The following PRRC2B variants were observed in gnomAD, a reference collection of about 807,000 sequenced individuals.
PRRC2B encodes protein PRRC2B.
Under a neutral mutation model 242.3 loss-of-function variants are expected in PRRC2B, and 68 were observed. The ratio of observed to expected loss-of-function variants is 0.28; its 90% CI spans 0.23 to 0.34. The LOEUF is 0.34. Among genes scored for constraint, PRRC2B ranks in the 10% least tolerant of loss-of-function variants. PRRC2B has a pLI of 1.00. For missense variants in PRRC2B, 2,835 were observed against 2,954.8 expected, an observed-to-expected ratio of 0.96 and a Z score of 0.94; for synonymous variants, 1,228 against 1,173.6, an observed-to-expected ratio of 1.05 and a Z score of -0.95.
intron 1 of PRRC2B, among the ~76,000 whole-genome samples, chr9:131,407,733 G>A (rs1837403522): frequency 6.6e-6 from 1 of 152,158 alleles, no homozygotes; most frequent in Admixed American, 6.5e-5. Flanking sequence ...CGGCTGAGTT[G>A]ATGAACGTCT....
Position 131,474,897 on chromosome 9 carries a change from G to A in PRRC2B, c.2768G>A (p.Arg923Gln), listed in dbSNP as rs765320460. 4.4e-6 allele frequency: 7 copies of A among 1,594,840 alleles called. No homozygotes were observed. The Admixed American group carries it at 5.3e-5, about 12-fold the overall frequency. Reference protein sequence around the residue: ...SSEPEWTPEPRSSSSQHPEQT... With the variant: ...SSEPEWTPEPQSSSSQHPEQT... ...GAGCCTGAATGGACTCCCGAGCCCCGGAGCTCCAGCAGCCAGCACCCGGAG... is the reference window on the plus strand; with the variant it reads ...GAGCCTGAATGGACTCCCGAGCCCCAGAGCTCCAGCAGCCAGCACCCGGAG... The change falls in exon 16 of 32, where the codon CGG becomes CAG. Residue 923 changes from arginine to glutamine, a missense_variant. Physicochemically the swap from Arg to Gln is conservative, Grantham distance 43. Transcript: ENST00000683519.
At position 131,446,020 on chromosome 9, in the gene PRRC2B, G is replaced by A. The variant is rs539552847; in HGVS notation, c.614-381G>A. Among the ~76,000 whole-genome samples, 3 of 152,304 alleles carry A rather than the reference G, an allele frequency of 2.0e-5. No individual in the cohort carries two copies. In the East Asian group the frequency reaches 5.8e-4, roughly 29 times the overall value. On this transcript the variant is annotated intron_variant, in intron 6 of 31. Transcript: ENST00000683519. This position sits in a 1 kb window ranked among gnomAD's most constrained non-coding sequence, Gnocchi z 4.1. The stretch of plus-strand genomic sequence containing the variant: ...GAACTTGCTCCTGTTTTAATGTGTA[G>A]TCCAGTGCTGACCCTAAGTGGGCTG...
At chr9:131,460,887 C>G (rs1001600998) in intron 11 of PRRC2B, among the ~76,000 whole-genome samples, 1 of 152,212 alleles carries the variant, frequency 6.6e-6, no homozygotes, top group Non-Finnish European at 1.5e-5. Context: ...TGAGACCCAG[C>G]AGGCTCCTTG....
Position 131,494,488 on chromosome 9 carries a change from T to TAG in PRRC2B, c.6555+4_6555+5dup. 6.4e-7 allele frequency: 1 copy of TAG among 1,562,504 alleles called. No individual in the cohort carries two copies. On this transcript the variant is annotated splice_region_variant and intron_variant, in intron 31 of 31. Transcript: ENST00000683519. The surrounding 1 kb of genome is among the most constrained non-coding windows in gnomAD (Gnocchi z 4.3). ...GTGCAGGGACACTACGTGCAACAGG[T>TAG]AGAAGATGGCTTTCCAGACCCTTCA...
chr9:131,475,824 C>T lies in PRRC2B; in HGVS notation c.3695C>T (p.Pro1232Leu). ...KESPHWQSKS[P>L]GSSWQEYGPS... Reference sequence around the variant, plus strand: ...TCACCCCACTGGCAGAGCAAAAGTCCAGGCAGCTCTTGGCAGGAATATGGC... The same window carrying T: ...TCACCCCACTGGCAGAGCAAAAGTCTAGGCAGCTCTTGGCAGGAATATGGC... Residue 1232 changes from proline to leucine, a missense_variant, in exon 16 of 32, where the codon CCA (proline) becomes CTA (leucine). Pro to Leu is a moderately conservative substitution (Grantham distance 98). This residue lies in a region of PRRC2B where 1,536 missense variants were observed against 1,483.1 expected (regional missense o/e 1.04). Coordinates refer to ENST00000683519, the MANE Select transcript of PRRC2B (RefSeq NM_013318.4). 2.5e-6 allele frequency: 4 copies of T among 1,612,776 alleles called. No individual in the cohort carries two copies. Among genetic ancestry groups the T allele is most frequent in the African/African-American group, 2.7e-5 (2 of 75,032 alleles).
intron 20 of PRRC2B, 140 bp downstream of exon 20, chr9:131,481,948 G>A (rs1010076935): frequency 6.5e-6 from 5 of 767,006 alleles, no homozygotes; most frequent in Non-Finnish European, 1.1e-5. Flanking sequence ...TTTCCATGGG[G>A]CCAAGCTCAT....
rs541690634 is a variant in PRRC2B, at chr9:131,442,126, T to TTTTG, written c.470-2043_470-2040dup. On this transcript the variant is annotated intron_variant, in intron 5 of 31. Transcript: ENST00000683519. Reference sequence around the variant, plus strand: ...TTCCTAATTTCAAATCTACCTTTTTTTTTGTTTGTTTGTTTGTTTTTTTTT... The same window carrying TTTTG: ...TTCCTAATTTCAAATCTACCTTTTTTTTTGTTTGTTTGTTTGTTTGTTTTTTTTT... Among the ~76,000 whole-genome samples the TTTTG allele has an allele frequency of 5.1e-3, 779 of 152,150 alleles. 1 individual carries two copies. The highest frequency in any genetic ancestry group is 7.2e-3 in the Non-Finnish European group (492 of 67,986).
chr9:131,441,240 G>GT (rs891096754), intron 5 of PRRC2B, among the ~76,000 whole-genome samples: 25 of 152,184 alleles, frequency 1.6e-4, no homozygotes, highest in Non-Finnish European at 4.4e-5. Flanking sequence ...AAAACTGCCA[G>GT]TTTTTTTGAG....
intron 1 of PRRC2B, among the ~76,000 whole-genome samples, chr9:131,401,531 T>C (rs937210915): frequency 6.6e-6 from 1 of 151,914 alleles, no homozygotes; most frequent in Non-Finnish European, 1.5e-5. Flanking sequence ...TGTATTTTTT[T>C]GTAGAGACGG....
chr9:131,421,200 G>A (rs1390572995), intron 1 of PRRC2B, among the ~76,000 whole-genome samples: 3 of 152,234 alleles, frequency 2.0e-5, no homozygotes, highest in Non-Finnish European at 4.4e-5. Context: ...CTGCAGGAGT[G>A]CAGGGTGGAG....
At chr9:131,381,099 A>G (rs1300865184) in intron 1 of PRRC2B, among the ~76,000 whole-genome samples, 1 of 151,888 alleles carries the variant, frequency 6.6e-6, no homozygotes, top group Non-Finnish European at 1.5e-5. Flanking sequence ...GCTGCCAATG[A>G]CCCTCCTTCA....
chr9:131,446,352 C>G lies in PRRC2B; in HGVS notation c.614-49C>G. Reference sequence around the variant, plus strand: ...ACCTTCAGAACCTCATACGATCCCTCCTTCCCCCTCCTCTTCCCTCTCCCC... The same window carrying G: ...ACCTTCAGAACCTCATACGATCCCTGCTTCCCCCTCCTCTTCCCTCTCCCC... On this transcript the variant is annotated intron_variant, in intron 6 of 31. Transcript: ENST00000683519. This position sits in a 1 kb window ranked among gnomAD's most constrained non-coding sequence, Gnocchi z 4.1. 1 of 1,605,018 alleles carries G rather than the reference C, an allele frequency of 6.2e-7. No homozygotes were observed. Among genetic ancestry groups the G allele is most frequent in the South Asian group, 1.1e-5 (1 of 90,380 alleles).
At chr9:131,492,307 C>A (rs371874230) in intron 30 of PRRC2B, 47 bp downstream of exon 30, 9 of 1,493,196 alleles carry the variant, frequency 6.0e-6, no homozygotes, top group Non-Finnish European at 8.4e-6. Flanking sequence ...TGAGCAGTTG[C>A]CAGAGCTGCG....
At chr9:131,478,642 G>A (rs767838663) in intron 18 of PRRC2B, 23 bp downstream of exon 18, 6 of 482,030 alleles carry the variant, frequency 1.2e-5, no homozygotes, top group East Asian at 5.2e-5. Flanking sequence ...GGGTGGGGGG[G>A]CATGGGGCTG....
At chr9:131,436,578 A>G (rs1371186743) in intron 3 of PRRC2B, 42 bp from the exon 4 acceptor site, 1 of 1,532,936 alleles carries the variant, frequency 6.5e-7, no homozygotes, top group Non-Finnish European at 9.0e-7. Flanking sequence ...TGGCCAGCGC[A>G]CTCTGTGCGG....
intron 17 of PRRC2B, among the ~76,000 whole-genome samples, 168 bp downstream of exon 17, chr9:131,478,117 G>T (rs1472936003): frequency 6.6e-6 from 1 of 152,152 alleles, no homozygotes; most frequent in Non-Finnish European, 1.5e-5. Context: ...GAGTAGGTAG[G>T]ATTCCCACCG....
intron 19 of PRRC2B, 150 bp from the exon 20 acceptor site, chr9:131,481,576 G>A (rs577795504): frequency 6.1e-6 from 4 of 654,008 alleles, no homozygotes; most frequent in South Asian, 5.2e-5. Flanking sequence ...TTCACTGGGT[G>A]TCACGGGTAG....
chr9:131,473,624 C>A lies in PRRC2B; in HGVS notation c.2224C>A (p.Pro742Thr). 6.2e-7 allele frequency: 1 copy of A among 1,613,714 alleles called. No individual in the cohort carries two copies. ...AAAAGTGACCCCCATCGACTCACCCCCTGTGTGGAGCCCAGAGGGCTACAT... is the reference window on the plus strand; with the variant it reads ...AAAAGTGACCCCCATCGACTCACCCACTGTGTGGAGCCCAGAGGGCTACAT... ...ERKVTPIDSP[P>T]VWSPEGYMAL... The change falls in exon 15 of 32, where the codon CCT becomes ACT. Residue 742 changes from proline (P) to threonine (T), a missense_variant. Physicochemically the swap from Pro to Thr is conservative, Grantham distance 38. Transcript: ENST00000683519.
At chr9:131,424,234 G>A (rs1409051183) in intron 1 of PRRC2B, among the ~76,000 whole-genome samples, 2 of 152,104 alleles carry the variant, frequency 1.3e-5, no homozygotes, top group Non-Finnish European at 2.9e-5. Context: ...GAGCCCCGGC[G>A]CCTGGGTAGT....
Sources: allele counts gnomAD v4.1 joint callset (sites outside exome capture counted in the v4.1 genomes callset), GRCh38; gene constraint gnomAD v4.1.1; regional missense constraint gnomAD v4.1.1; non-coding constraint Gnocchi (gnomAD v3.1); transcripts MANE v1.5; gene names NCBI Gene and HGNC (gene_info 2026-07-23, HGNC 2026-07-21).